Variants in SGIP1 observed in about 807,000 individuals in gnomAD.
SGIP1 encodes SH3GL interacting endocytic adaptor 1, also known as SH3-containing GRB2-like protein 3-interacting protein 1.
SGIP1 carries 38 observed loss-of-function variants against 107.5 expected under a neutral mutation model. The ratio of observed to expected loss-of-function variants is 0.35; its 90% CI spans 0.27 to 0.46. The LOEUF is 0.46. Among genes scored for constraint, SGIP1 ranks in the 20% least tolerant of loss-of-function variants. SGIP1 has a pLI of 1.00. For missense variants in SGIP1, 929 were observed against 1,019.5 expected (o/e 0.91, Z 1.21); for synonymous variants, 365 against 366.1 (o/e 1.00, Z 0.03).
Position 66,717,645 on chromosome 1 carries a change from A to T in SGIP1, c.1631-1649A>T, listed in dbSNP as rs193113758. Among the ~76,000 whole-genome samples the T allele has an allele frequency of 2.6e-5, 4 of 152,278 alleles. No homozygotes were observed. In the East Asian group the frequency reaches 7.7e-4, roughly 29 times the overall value. ...AATTGCCTACTAAGAAGGCAAAATA[A>T]TAACGTCCTCAGAGTCTAAGCTTTG... On this transcript the variant is annotated intron_variant, in intron 18 of 24. Coordinates refer to ENST00000371037, the MANE Select transcript of SGIP1 (RefSeq NM_032291.4).
chr1:66,547,114 G>T (rs895355679), intron 1 of SGIP1, among the ~76,000 whole-genome samples: 3 of 152,126 alleles, frequency 2.0e-5, no homozygotes, highest in African/African-American at 4.8e-5. Context: ...GAAGAGTTGG[G>T]TTAGATATTT....
At chr1:66,709,645 C>T (rs1356679323) in intron 18 of SGIP1, among the ~76,000 whole-genome samples, 1 of 152,138 alleles carries the variant, frequency 6.6e-6, no homozygotes, top group African/African-American at 2.4e-5. Context: ...TCTGTATTCT[C>T]ACTCAGCAGG....
At chr1:66,633,636 C>T (rs1169836795) in intron 3 of SGIP1, among the ~76,000 whole-genome samples, 1 of 152,158 alleles carries the variant, frequency 6.6e-6, no homozygotes, top group Admixed American at 6.5e-5. Context: ...ACAGTTAACT[C>T]TGACTCCTTG....
intron 18 of SGIP1, among the ~76,000 whole-genome samples, chr1:66,702,794 A>G (rs1306126876): frequency 6.6e-6 from 1 of 152,234 alleles, no homozygotes; most frequent in Admixed American, 6.5e-5. Flanking sequence ...AAAGGCCAAT[A>G]GGTTTAAAAT....
intron 1 of SGIP1, among the ~76,000 whole-genome samples, chr1:66,596,823 G>C (rs929284348): frequency 3.9e-5 from 6 of 151,958 alleles, no homozygotes; most frequent in Non-Finnish European, 5.9e-5. Context: ...TTTTTTAAAA[G>C]ATCTGCAATG....
chr1:66,635,419 G>A (rs889158093), intron 3 of SGIP1, among the ~76,000 whole-genome samples: 4 of 152,178 alleles, frequency 2.6e-5, no homozygotes, highest in African/African-American at 9.7e-5. Context: ...GAACATCAGG[G>A]TCATAGCCTT....
In SGIP1 at chr1:66,596,056, ACACAAGTG is replaced by A. The variant is rs558022733; in HGVS notation, c.11-29778_11-29771del. ...AAAATCACATTTAAAATACAAACCT[ACACAAGTG>A]CACAAGTGCACATAAAACAGGTGAA... On this transcript the variant is annotated intron_variant, in intron 1 of 24. Transcript: ENST00000371037. Among the ~76,000 whole-genome samples, 290 of 152,348 alleles carry A rather than the reference ACACAAGTG, an allele frequency of 1.9e-3. 1 individual carries two copies. Among genetic ancestry groups the A allele is most frequent in the African/African-American group, 6.6e-3 (276 of 41,586 alleles).
At chr1:66,569,281 A>G (rs2060067626) in intron 1 of SGIP1, among the ~76,000 whole-genome samples, 1 of 151,956 alleles carries the variant, frequency 6.6e-6, no homozygotes. Context: ...GTAGTGAGAG[A>G]GAACATCCTT....
chr1:66,634,258 A>T, intron 3 of SGIP1: 1 of 915,608 alleles, frequency 1.1e-6, no homozygotes. Flanking sequence ...TCTGTTAGCT[A>T]CTCTGCTTTC....
intron 8 of SGIP1, among the ~76,000 whole-genome samples, chr1:66,664,051 T>A (rs2082047798): frequency 6.6e-6 from 1 of 152,200 alleles, no homozygotes; most frequent in Non-Finnish European, 1.5e-5. Context: ...AGTCCTCTAA[T>A]TGCTATATTT....
intron 4 of SGIP1, 134 bp downstream of exon 4, chr1:66,636,149 G>A: frequency 1.2e-6 from 1 of 812,356 alleles, no homozygotes; most frequent in Non-Finnish European, 1.9e-6. Context: ...ATTTCCAAAT[G>A]ACTTCTTGAA....
chr1:66,662,400 G>A (rs543292365), intron 8 of SGIP1, among the ~76,000 whole-genome samples: 1 of 152,296 alleles, frequency 6.6e-6, no homozygotes, highest in Non-Finnish European at 1.5e-5. Context: ...TGACAAGGGG[G>A]ATAGACTGTT....
intron 15 of SGIP1, among the ~76,000 whole-genome samples, chr1:66,682,813 G>A (rs1164755556): frequency 7.3e-6 from 1 of 136,448 alleles, no homozygotes; most frequent in African/African-American, 2.5e-5. Context: ...GGGGGTGGGT[G>A]GGCTTCTTTT....
At chr1:66,636,105 T>G in intron 4 of SGIP1, 90 bp downstream of exon 4, 1 of 1,252,218 alleles carries the variant, frequency 8.0e-7, no homozygotes, top group Non-Finnish European at 1.1e-6. Context: ...AACACAGTAG[T>G]TTTCATTTAC....
chr1:66,735,431 T>C (rs1403298980), intron 21 of SGIP1, among the ~76,000 whole-genome samples: 1 of 151,558 alleles, frequency 6.6e-6, no homozygotes, highest in African/African-American at 2.4e-5. Context: ...GCCAGGCTGG[T>C]CTTGAACTCC....
At chr1:66,625,972 C>T (rs2072581293) in intron 2 of SGIP1, 62 bp downstream of exon 2, 1 of 1,337,098 alleles carries the variant, frequency 7.5e-7, no homozygotes, top group African/African-American at 1.4e-5. Context: ...GCTCTTATCA[C>T]AGTCAATATA....
intron 1 of SGIP1, among the ~76,000 whole-genome samples, chr1:66,592,143 C>T (rs777199927): frequency 1.7e-4 from 26 of 152,136 alleles, no homozygotes; most frequent in African/African-American, 6.3e-4. Context: ...TTACCGATGT[C>T]GGGCTGGGGG....
At chr1:66,540,223 T>C (rs1261615473) in intron 1 of SGIP1, among the ~76,000 whole-genome samples, 1 of 93,880 alleles carries the variant, frequency 1.1e-5, no homozygotes, top group East Asian at 7.2e-4. Flanking sequence ...ATAATATATA[T>C]TGAGATGCAA....
At chr1:66,619,413 G>C (rs1415536827) in intron 1 of SGIP1, among the ~76,000 whole-genome samples, 1 of 152,214 alleles carries the variant, frequency 6.6e-6, no homozygotes, top group Admixed American at 6.5e-5. Context: ...TCTCCCGCAG[G>C]CTCCGCCTGC....
Sources: allele counts gnomAD v4.1 joint callset (sites outside exome capture counted in the v4.1 genomes callset), GRCh38; gene constraint gnomAD v4.1.1; transcripts MANE v1.5; gene names NCBI Gene and HGNC (gene_info 2026-07-23, HGNC 2026-07-21).